The following PTPRF variants were observed in gnomAD, a reference collection of about 807,000 sequenced individuals.
PTPRF encodes receptor-type tyrosine-protein phosphatase F.
In PTPRF, 59 loss-of-function variants were observed where a neutral mutation model predicts 201.8. That is an observed-to-expected ratio of 0.29 (90% CI 0.24 to 0.36). The LOEUF (loss-of-function observed/expected upper bound fraction) is 0.36. Among genes scored for constraint, PTPRF ranks in the 10% least tolerant of loss-of-function variants. The pLI is 1.00. For missense variants in PTPRF, 2,132 were observed against 2,690.5 expected (o/e 0.79, Z 4.59); for synonymous variants, 1,088 against 1,089.7 (o/e 1.00, Z 0.03).
chr1:43,582,156 T>A (rs548012837), intron 7 of PTPRF, among the ~76,000 whole-genome samples: 1 of 152,326 alleles, frequency 6.6e-6, no homozygotes, highest in Admixed American at 6.5e-5. Context: ...GGGCTCCCAG[T>A]GTCGCTCTCT....
chr1:43,553,984 G>A lies in PTPRF; in HGVS notation c.379+43G>A, dbSNP rs555872080. On this transcript the variant is annotated intron_variant, in intron 5 of 33. Coordinates refer to ENST00000359947, the MANE Select transcript of PTPRF (RefSeq NM_002840.5). This position sits in a 1 kb window ranked among gnomAD's most constrained non-coding sequence, Gnocchi z 4.1. ...GTGGCACGGTGGGCTGCCGGGCTGA[G>A]GCGTGGGAAGAGCCAGCCAGCCCTG... 6.2e-7 allele frequency: 1 copy of A among 1,606,980 alleles called. No homozygotes were observed. The highest frequency in any genetic ancestry group is 1.3e-5 in the African/African-American group (1 of 74,946).
intron 10 of PTPRF, 141 bp from the exon 11 acceptor site, chr1:43,592,316 G>C: frequency 9.4e-7 from 1 of 1,066,030 alleles, no homozygotes; most frequent in South Asian, 1.6e-5. Flanking sequence ...TTCCTTTTGT[G>C]CTCCATGTGG....
rs868366715 is a variant in PTPRF, at chr1:43,614,903, A to G, written c.4071+1188A>G. ...TAAAAAAGAGTATTTTTACTTAAAA[A>G]AGAGAGAGAGAGACCTCCTCCTCTT... On this transcript the variant is annotated intron_variant, in intron 23 of 33. Transcript: ENST00000359947. Among the ~76,000 whole-genome samples, 5 of 151,966 alleles carry G rather than the reference A, an allele frequency of 3.3e-5. No individual in the cohort carries two copies. The South Asian group carries it at 8.3e-4, about 25-fold the overall frequency.
intron 5 of PTPRF, among the ~76,000 whole-genome samples, chr1:43,555,442 CTTTTTTTTTTT>C (rs986469997): frequency 1.7e-5 from 2 of 115,568 alleles, no homozygotes; most frequent in East Asian, 2.5e-4. Context: ...TATCATTATT[CTTTTTTTTTTT>C]TTTTTTTTTT....
chr1:43,555,947 C>T (rs942993146), intron 5 of PTPRF, among the ~76,000 whole-genome samples: 5 of 152,168 alleles, frequency 3.3e-5, no homozygotes, highest in Admixed American at 6.5e-5. Flanking sequence ...ATTGCTGAGT[C>T]AAAGGGCACA....
intron 3 of PTPRF, among the ~76,000 whole-genome samples, chr1:43,549,590 C>G (rs1644890923): frequency 6.6e-6 from 1 of 152,200 alleles, no homozygotes; most frequent in African/African-American, 2.4e-5. Flanking sequence ...TGTGGTGGCT[C>G]ATACCCGTAA....
chr1:43,592,639 G>T, intron 11 of PTPRF, 38 bp downstream of exon 11: 2 of 1,543,108 alleles, frequency 1.3e-6, no homozygotes, highest in Non-Finnish European at 1.7e-6. Context: ...TTACACCTGG[G>T]CTGGGACACA....
intron 13 of PTPRF, 44 bp downstream of exon 13, chr1:43,598,957 C>A: frequency 6.3e-7 from 1 of 1,578,942 alleles, no homozygotes; most frequent in Non-Finnish European, 8.6e-7. Flanking sequence ...GAGCACAGAC[C>A]AGCATGCACA....
At position 43,605,298 on chromosome 1, in the gene PTPRF, A is replaced by G; in HGVS notation, c.3244A>G (p.Ser1082Gly). 3.1e-6 allele frequency: 5 copies of G among 1,613,366 alleles called. No individual in the cohort carries two copies. Among genetic ancestry groups the G allele is most frequent in the South Asian group, 2.2e-5 (2 of 91,070 alleles). Residue 1082 changes from serine (S) to glycine (G), a missense_variant, in exon 18 of 34, where the codon AGC (serine) becomes GGC (glycine). Physicochemically the swap from Ser to Gly is moderately conservative, Grantham distance 56. Transcript: ENST00000359947. The stretch of plus-strand genomic sequence containing the variant: ...CTCGTTTGTGCTGATGAACCGTGGC[A>G]GCAGCGCAGGGGGCCTGCAGCACCT... ...EYSFVLMNRGSSAGGLQHLVS... is the reference protein window; with the variant it reads ...EYSFVLMNRGGSAGGLQHLVS...
upstream of PTPRF, among the ~76,000 whole-genome samples, chr1:43,522,811 A>C (rs1642994604): frequency 6.6e-6 from 1 of 151,770 alleles, no homozygotes; most frequent in South Asian, 2.1e-4. Context: ...GTTGTGTTGG[A>C]TGAGGTGGGG....
chr1:43,552,333 A>G (rs527966497), intron 3 of PTPRF, among the ~76,000 whole-genome samples: 3 of 152,170 alleles, frequency 2.0e-5, no homozygotes, highest in East Asian at 1.9e-4. Flanking sequence ...TTGACAGTCA[A>G]ACATGCCTGA....
At chr1:43,592,241 G>A (rs1219982556) in intron 10 of PTPRF, among the ~76,000 whole-genome samples, 4 of 152,128 alleles carry the variant, frequency 2.6e-5, no homozygotes, top group South Asian at 2.1e-4. Context: ...GAAGCCATGC[G>A]TCCCAGATGG....
chr1:43,552,222 G>C (rs1645082207), intron 3 of PTPRF, among the ~76,000 whole-genome samples: 1 of 151,988 alleles, frequency 6.6e-6, no homozygotes, highest in Non-Finnish European at 1.5e-5. Context: ...GTCATTCTTT[G>C]GCCTTCTTTG....
At chr1:43,594,012 T>A (rs925392620) in intron 11 of PTPRF, among the ~76,000 whole-genome samples, 5 of 151,914 alleles carry the variant, frequency 3.3e-5, no homozygotes, top group African/African-American at 1.2e-4. Context: ...AAAAAGCTCA[T>A]TTGGGTAATT....
At chr1:43,611,456 A>G (rs1205399714) in intron 22 of PTPRF, among the ~76,000 whole-genome samples, 1 of 152,166 alleles carries the variant, frequency 6.6e-6, no homozygotes, top group African/African-American at 2.4e-5. Flanking sequence ...CATGAGAGTT[A>G]GGGGCTTGGG....
chr1:43,532,322 C>T (rs1468280945), intron 1 of PTPRF, among the ~76,000 whole-genome samples: 3 of 152,208 alleles, frequency 2.0e-5, no homozygotes, highest in South Asian at 4.1e-4. Context: ...GTGGGGAGCG[C>T]TACCTGCCTG....
chr1:43,600,402 T>TG (rs1653462137), intron 13 of PTPRF, among the ~76,000 whole-genome samples: 1 of 152,032 alleles, frequency 6.6e-6, no homozygotes, highest in Non-Finnish European at 1.5e-5. Context: ...CATCCCATCA[T>TG]GGGGGCGGTA....
intron 7 of PTPRF, among the ~76,000 whole-genome samples, chr1:43,581,955 A>G: frequency 6.6e-6 from 1 of 152,170 alleles, no homozygotes; most frequent in Non-Finnish European, 1.5e-5. Flanking sequence ...ACTAGATGCC[A>G]GTGGCACCCC....
At position 43,584,814 on chromosome 1, in the gene PTPRF, C is replaced by G. The variant is rs116074500; in HGVS notation, c.680-3917C>G. 6.2e-3 allele frequency among the ~76,000 whole-genome samples: 943 copies of G among 152,270 alleles called. 13 individuals are homozygous for G. The highest frequency in any genetic ancestry group is 0.021 in the African/African-American group (881 of 41,552). ...ATACAGTGGATCCTGCCCCTCATCC[C>G]CTCCTTAATGTTGTGTTATTTTCAT... On this transcript the variant is annotated intron_variant, in intron 7 of 33. Transcript: ENST00000359947.
Sources: gnomAD v4.1 joint callset for allele counts (sites outside exome capture counted in the v4.1 genomes callset) on GRCh38, gnomAD v4.1.1 for gene constraint, Gnocchi (gnomAD v3.1) non-coding constraint, MANE v1.5 for transcripts, NCBI Gene and HGNC (gene_info 2026-07-23, HGNC 2026-07-21) for gene names.